The following GLT8D2 variants were observed in gnomAD, a reference collection of about 807,000 sequenced individuals.
GLT8D2 encodes glycosyltransferase 8 domain containing 2.
Under a neutral mutation model 44.5 loss-of-function variants are expected in GLT8D2, and 45 were observed. The ratio of observed to expected loss-of-function variants is 1.01; its 90% confidence interval spans 0.80 to 1.30. The LOEUF (loss-of-function observed/expected upper bound fraction) is 1.30. GLT8D2 is among the 50% of genes most tolerant of loss of function. GLT8D2 has a pLI of 0.00. For missense variants in GLT8D2, 400 were observed against 430.4 expected, an observed-to-expected ratio of 0.93 and a Z score of 0.62; for synonymous variants, 156 against 157.2, an observed-to-expected ratio of 0.99 and a Z score of 0.06.
chr12:104,056,069 A>G (rs575274389), intron 1 of GLT8D2, among the ~76,000 whole-genome samples: 1 of 152,306 alleles, frequency 6.6e-6, no homozygotes, highest in Non-Finnish European at 1.5e-5. Flanking sequence ...CGCATGCGGT[A>G]ACTGTTTTTC....
chr12:104,047,019 G>A (rs931593006), intron 1 of GLT8D2, among the ~76,000 whole-genome samples: 4 of 152,044 alleles, frequency 2.6e-5, no homozygotes, highest in Non-Finnish European at 5.9e-5. Context: ...TGTAGAGACA[G>A]AGTCTTGCTA....
In GLT8D2 at chr12:104,041,841, G is replaced by A. The variant is rs374601634; in HGVS notation, c.-164+8054C>T. On this transcript the variant is annotated intron_variant, in intron 1 of 10. Coordinates refer to ENST00000360814, the MANE Select transcript of GLT8D2 (RefSeq NM_001384711.1). The stretch of plus-strand genomic sequence containing the variant: ...GATGCCTTGGTAGATGTAAGCATGG[G>A]ATATTGTTTTAGCATCAAGGAGGGG... Among the ~76,000 whole-genome samples the A allele has an allele frequency of 6.6e-5, 10 of 152,292 alleles. No homozygotes were observed. The East Asian group carries it at 1.5e-3, about 24-fold the overall frequency.
chr12:104,064,331 C>G (rs916115228), upstream of GLT8D2: 7 of 434,422 alleles, frequency 1.6e-5, no homozygotes, highest in Non-Finnish European at 2.8e-5. The surrounding 1 kb of genome is among the most constrained non-coding windows in gnomAD (Gnocchi z 7.3). Flanking sequence ...CCCTAAGGTG[C>G]GTTGCTCCGG....
At chr12:104,021,145 G>A (rs987725783) in intron 2 of GLT8D2, among the ~76,000 whole-genome samples, 2 of 152,154 alleles carry the variant, frequency 1.3e-5, no homozygotes, top group Admixed American at 1.3e-4. Context: ...GTAGTGGAAA[G>A]GAATCACTCC....
chr12:104,055,512 G>T (rs188018780), intron 1 of GLT8D2, among the ~76,000 whole-genome samples: 279 of 152,316 alleles, frequency 1.8e-3, no homozygotes, highest in Non-Finnish European at 2.1e-3. Context: ...CCCTTAAGTG[G>T]TCAACTAAGT....
intron 2 of GLT8D2, 51 bp downstream of exon 2, chr12:104,021,306 A>C (rs895705398): frequency 3.3e-5 from 5 of 152,314 alleles, no homozygotes; most frequent in Admixed American, 2.6e-4. Flanking sequence ...GTTCGGCCAC[A>C]GCCCAAGAAA....
chr12:103,990,078 AATATATATATATATAT>A (rs57178471), intron 10 of GLT8D2, among the ~76,000 whole-genome samples: 2,974 of 122,150 alleles, frequency 0.024, 48 homozygotes, highest in Non-Finnish European at 0.032. Flanking sequence ...TATGTGTACA[AATATATATATATATAT>A]ATATATATAT....
chr12:104,020,533 C>T (rs1877492622), intron 2 of GLT8D2, among the ~76,000 whole-genome samples: 1 of 152,164 alleles, frequency 6.6e-6, no homozygotes, highest in South Asian at 2.1e-4. Flanking sequence ...TGGTCCCTAT[C>T]CTCCTGAAGC....
chr12:104,030,695 AAAAC>A, intron 1 of GLT8D2: 1 of 1,602,430 alleles, frequency 6.2e-7, no homozygotes, highest in Non-Finnish European at 8.5e-7. Flanking sequence ...CAATAGCAAA[AAAAC>A]AAATAACTTG....
chr12:104,009,026 G>A (rs561782620), intron 4 of GLT8D2, among the ~76,000 whole-genome samples: 2 of 152,388 alleles, frequency 1.3e-5, no homozygotes, highest in South Asian at 4.1e-4. Context: ...CTCTGCTAGG[G>A]CAGTGCAGAA....
At chr12:104,057,352 C>G (rs1274309825) in intron 1 of GLT8D2, among the ~76,000 whole-genome samples, 1 of 151,966 alleles carries the variant, frequency 6.6e-6, no homozygotes, top group Non-Finnish European at 1.5e-5. Flanking sequence ...GAGACCCCGT[C>G]TCTACAAAAA....
At position 103,997,510 on chromosome 12, in the gene GLT8D2, G is replaced by C. The variant is rs758110284; in HGVS notation, c.428C>G (p.Pro143Arg). The change falls in exon 7 of 11, where the codon CCT (proline) becomes CGT (arginine). Residue 143 changes from proline (P) to arginine (R), a missense_variant. By Grantham distance (103) the Pro-to-Arg change is moderately radical. Transcript: ENST00000360814. Reference sequence around the variant, plus strand: ...TTTCTCGTGTTGGTGGATAAGTAGAGGGAGATAAAATCGAACAAAGTTCAG... The same window carrying C: ...TTTCTCGTGTTGGTGGATAAGTAGACGGAGATAAAATCGAACAAAGTTCAG... Reference protein sequence around the residue: ...QPLNFVRFYLPLLIHQHEKVI... With the variant: ...QPLNFVRFYLRLLIHQHEKVI... The C allele has an allele frequency of 6.2e-7, 1 of 1,613,666 alleles. No homozygotes were observed. The highest frequency in any genetic ancestry group is 8.5e-7 in the Non-Finnish European group (1 of 1,179,592).
At chr12:104,064,279 G>T, upstream of GLT8D2, 1 of 365,728 alleles carries the variant, frequency 2.7e-6, no homozygotes, top group Non-Finnish European at 4.9e-6. The surrounding 1 kb of genome is among the most constrained non-coding windows in gnomAD (Gnocchi z 7.3). Flanking sequence ...GGGAGGCTCT[G>T]GGTGGGGATG....
intron 1 of GLT8D2, among the ~76,000 whole-genome samples, chr12:104,049,168 AC>A (rs1236030472): frequency 6.7e-6 from 1 of 148,196 alleles, no homozygotes; most frequent in Non-Finnish European, 1.5e-5. Context: ...CAGGGGCCAA[AC>A]AACGAGAGGA....
rs570398931 is a variant in GLT8D2 at position 103,996,605 on chromosome 12, C to T, written c.600+130G>A. The T allele has an allele frequency of 6.4e-5, 42 of 654,736 alleles. No homozygotes were observed. In the African/African-American group the frequency reaches 7.0e-4, roughly 11 times the overall value. 40.6% of individuals were successfully genotyped at this position (654,736 alleles called of 1,614,324 possible). ...AGTCCCAGACCCCTGTACTGTTCCA[C>T]CTCCCTGCAGTCCAGACTGGCCCAT... On this transcript the variant is annotated intron_variant, in intron 8 of 10. Coordinates refer to ENST00000360814, the MANE Select transcript of GLT8D2 (RefSeq NM_001384711.1).
intron 10 of GLT8D2, among the ~76,000 whole-genome samples, chr12:103,989,909 T>C (rs1350849849): frequency 6.6e-6 from 1 of 151,972 alleles, no homozygotes; most frequent in Non-Finnish European, 1.5e-5. Context: ...CTTGGGAAAC[T>C]TTCCACAGCA....
intron 10 of GLT8D2, among the ~76,000 whole-genome samples, chr12:103,990,760 CA>C (rs1382562306): frequency 2.0e-5 from 3 of 152,108 alleles, no homozygotes; most frequent in Admixed American, 2.0e-4. Flanking sequence ...GAATAATTAT[CA>C]ATCATCAGAG....
At chr12:104,028,048 AG>A (rs1050067794) in intron 1 of GLT8D2, among the ~76,000 whole-genome samples, 1 of 152,336 alleles carries the variant, frequency 6.6e-6, no homozygotes, top group Non-Finnish European at 1.5e-5. Context: ...TCATCTGAAC[AG>A]GGGGTTCATC....
intron 4 of GLT8D2, among the ~76,000 whole-genome samples, chr12:104,003,608 T>C (rs1205962586): frequency 3.3e-5 from 5 of 152,160 alleles, no homozygotes; most frequent in Non-Finnish European, 7.4e-5. Flanking sequence ...AAAGGAATGC[T>C]CACTCACCCC....
Sources: allele counts gnomAD v4.1 joint callset (sites outside exome capture counted in the v4.1 genomes callset), GRCh38; gene constraint gnomAD v4.1.1; non-coding constraint Gnocchi (gnomAD v3.1); transcripts MANE v1.5; gene names NCBI Gene and HGNC (gene_info 2026-07-23, HGNC 2026-07-21).